The following NRG3 variants were observed in gnomAD, a reference collection of about 807,000 sequenced individuals.
NRG3 encodes the protein pro-neuregulin-3, membrane-bound isoform.
A neutral mutation model predicts 66.9 loss-of-function variants in NRG3; 31 were observed. That is an observed-to-expected ratio of 0.46 (90% CI 0.35 to 0.63). The LOEUF (loss-of-function observed/expected upper bound fraction) is 0.63. Ranked by LOEUF, NRG3 falls within the 20% of genes least tolerant of loss-of-function variation. The pLI is 0.00. For synonymous variants in NRG3, 393 were observed against 359.4 expected (o/e 1.09, Z -1.06); for missense variants, 910 against 878.9 (o/e 1.04, Z -0.45).
At chr10:82,477,000 G>A (rs1394042851) in intron 2 of NRG3, among the ~76,000 whole-genome samples, 1 of 152,172 alleles carries the variant, frequency 6.6e-6, no homozygotes, top group Non-Finnish European at 1.5e-5. Flanking sequence ...GGAAAGGATG[G>A]ATGACAAGTC....
intron 2 of NRG3, among the ~76,000 whole-genome samples, chr10:82,725,876 T>C (rs899617415): frequency 6.6e-6 from 1 of 152,194 alleles, no homozygotes. Context: ...TGGTAACTCC[T>C]GTGAACTGAA....
rs369498870 is a variant in NRG3, at chr10:82,102,133, C to CATATATATATATAT, written c.823+225991_823+226004dup. 2.9e-3 allele frequency among the ~76,000 whole-genome samples: 77 copies of CATATATATATATAT among 26,272 alleles called. 3 individuals carry two copies. The highest frequency in any genetic ancestry group is 8.2e-3 in the East Asian group (8 of 972). The allele number at this position is 26,272 out of a possible 152,430, so 17.2% of individuals were successfully genotyped here. A position where few individuals can be genotyped will look rare whatever the true frequency, so the allele number is the denominator to read the frequency against. On this transcript the variant is annotated intron_variant, in intron 1 of 8. Transcript: ENST00000372141. ...GTATTCATATATATATATGTGTATT[C>CATATATATATATAT]ATATATATATATATATATATATATA...
intron 2 of NRG3, among the ~76,000 whole-genome samples, chr10:82,733,169 A>G (rs1453930172): frequency 6.6e-6 from 1 of 152,228 alleles, no homozygotes; most frequent in Non-Finnish European, 1.5e-5. Context: ...TATACCTTCT[A>G]TAGCATTTAT....
At chr10:82,529,235 G>T (rs891989593) in intron 2 of NRG3, among the ~76,000 whole-genome samples, 2 of 152,206 alleles carry the variant, frequency 1.3e-5, no homozygotes, top group African/African-American at 4.8e-5. Flanking sequence ...GTGGCTTCAG[G>T]TGTCTGTGGT....
intron 2 of NRG3, among the ~76,000 whole-genome samples, chr10:82,496,904 A>G (rs143824276): frequency 0.011 from 1,691 of 152,300 alleles, 16 homozygotes; most frequent in Middle Eastern, 0.062. Context: ...CAAATCTCAT[A>G]CCAAATGGAA....
rs571787095 is a variant in NRG3 at position 82,329,716 on chromosome 10, C to T, written c.824-29023C>T. Among the ~76,000 whole-genome samples, 3 of 152,262 alleles carry T rather than the reference C, an allele frequency of 2.0e-5. No individual in the cohort carries two copies. The South Asian group carries it at 6.2e-4, about 32-fold the overall frequency. On this transcript the variant is annotated intron_variant, in intron 1 of 8. Transcript: ENST00000372141. ...GGTACATGACATTTCTGTCTCCAAACCAAATGTCTAATGTGCTTTTATCTT... is the reference window on the plus strand; with the variant it reads ...GGTACATGACATTTCTGTCTCCAAATCAAATGTCTAATGTGCTTTTATCTT...
intron 1 of NRG3, among the ~76,000 whole-genome samples, chr10:82,187,341 G>C (rs961047618): frequency 6.6e-6 from 1 of 152,104 alleles, no homozygotes; most frequent in African/African-American, 2.4e-5. Context: ...TGCCATTAAG[G>C]CATCGTTGCC....
At chr10:82,086,738 A>G (rs1339109833) in intron 1 of NRG3, among the ~76,000 whole-genome samples, 1 of 152,128 alleles carries the variant, frequency 6.6e-6, no homozygotes, top group Non-Finnish European at 1.5e-5. Flanking sequence ...TCCTGCCATC[A>G]TTTTATGAAA....
At chr10:82,177,890 A>T (rs1371771264) in intron 1 of NRG3, among the ~76,000 whole-genome samples, 2 of 152,106 alleles carry the variant, frequency 1.3e-5, no homozygotes, top group African/African-American at 4.8e-5. Flanking sequence ...GAGAAGAAAA[A>T]ATATTGCCCT....
chr10:82,575,485 A>G (rs1442735745), intron 2 of NRG3, among the ~76,000 whole-genome samples: 1 of 151,800 alleles, frequency 6.6e-6, no homozygotes, highest in Non-Finnish European at 1.5e-5. Flanking sequence ...TGAGGTGCCA[A>G]TTTGTGAAAT....
Position 82,668,015 on chromosome 10 carries a change from C to T in NRG3, c.954-70562C>T, listed in dbSNP as rs144036607. On this transcript the variant is annotated intron_variant, in intron 2 of 8. Coordinates refer to ENST00000372141, the MANE Select transcript of NRG3 (RefSeq NM_001010848.4). The stretch of plus-strand genomic sequence containing the variant: ...TATACGTCAGTTTCTTGCTCACCAA[C>T]GCAGTTTTTCAATATCAAGGAAGTG... Among the ~76,000 whole-genome samples, 161 of 152,244 alleles carry T rather than the reference C, an allele frequency of 1.1e-3. 1 individual carries two copies. The highest frequency in any genetic ancestry group is 3.4e-3 in the Middle Eastern group (1 of 294).
At chr10:82,889,621 A>C (rs1179558095) in intron 4 of NRG3, among the ~76,000 whole-genome samples, 1 of 152,224 alleles carries the variant, frequency 6.6e-6, no homozygotes, top group Non-Finnish European at 1.5e-5. Context: ...CAGAAACTTC[A>C]ACGTGAAACT....
chr10:82,394,823 A>T (rs1316890229), intron 2 of NRG3, among the ~76,000 whole-genome samples: 1 of 152,176 alleles, frequency 6.6e-6, no homozygotes, highest in African/African-American at 2.4e-5. Flanking sequence ...CCTCTCTCCC[A>T]CAGCTTTGCA....
chr10:82,605,131 A>G (rs2133436642), intron 2 of NRG3, among the ~76,000 whole-genome samples: 1 of 152,174 alleles, frequency 6.6e-6, no homozygotes, highest in South Asian at 2.1e-4. Context: ...TCTTAGTGAG[A>G]AAACATGTAA....
intron 1 of NRG3, among the ~76,000 whole-genome samples, chr10:82,280,134 G>C (rs1156293550): frequency 6.6e-6 from 1 of 152,008 alleles, no homozygotes; most frequent in Non-Finnish European, 1.5e-5. Flanking sequence ...GTAGGGGTCA[G>C]ACATCTAAGA....
chr10:82,669,109 A>T (rs1046882831), intron 2 of NRG3, among the ~76,000 whole-genome samples: 3 of 152,142 alleles, frequency 2.0e-5, no homozygotes, highest in Non-Finnish European at 4.4e-5. Context: ...AGAATCAGAG[A>T]TGTGTATTGT....
intron 2 of NRG3, among the ~76,000 whole-genome samples, chr10:82,683,128 T>G (rs2054240823): frequency 6.6e-6 from 1 of 151,838 alleles, no homozygotes; most frequent in African/African-American, 2.4e-5. Context: ...CCGGCTAATT[T>G]TTTGTATTTT....
chr10:81,966,373 CA>C (rs1484771978), intron 1 of NRG3, among the ~76,000 whole-genome samples: 1 of 151,162 alleles, frequency 6.6e-6, no homozygotes, highest in Non-Finnish European at 1.5e-5. Context: ...AAAAATGGCC[CA>C]CCTTTCACTG....
intron 4 of NRG3, among the ~76,000 whole-genome samples, chr10:82,948,398 C>T (rs1592058526): frequency 6.6e-6 from 1 of 152,068 alleles, no homozygotes; most frequent in Non-Finnish European, 1.5e-5. Flanking sequence ...GTTTTGGCTA[C>T]TGTAGATCTT....
Sources: gnomAD v4.1 joint callset for allele counts (sites outside exome capture counted in the v4.1 genomes callset) on GRCh38, gnomAD v4.1.1 for gene constraint, MANE v1.5 for transcripts, NCBI Gene and HGNC (gene_info 2026-07-23, HGNC 2026-07-21) for gene names.